The following GRIK2 variants were observed in gnomAD, a reference collection of about 807,000 sequenced individuals.
The protein encoded by GRIK2 is glutamate receptor ionotropic, kainate 2.
Under a neutral mutation model 100.3 loss-of-function variants are expected in GRIK2, and 32 were observed. The observed-to-expected ratio is 0.32, with a 90% confidence interval of 0.24 to 0.43. The LOEUF is 0.43. GRIK2 is among the 20% of genes least tolerant of loss of function. GRIK2 has a pLI of 1.00. For synonymous variants in GRIK2, 417 were observed against 389.4 expected (o/e 1.07, Z -0.83); for missense variants, 843 against 1,114.9 (o/e 0.76, Z 3.47).
chr6:101,713,932 T>G (rs76627844), intron 7 of GRIK2, among the ~76,000 whole-genome samples: 2,910 of 151,844 alleles, frequency 0.019, 70 homozygotes, highest in African/African-American at 0.058. Flanking sequence ...AATTAAGAAT[T>G]GCTTTCTTTC....
chr6:102,068,561 A>G lies in GRIK2; in HGVS notation c.*50A>G. ...ACAAACTGTCGTCTTTTTCCAAACA[A>G]TTTAGCCAGAATGTTTCCTGTGGAA... On this transcript the variant is annotated 3_prime_UTR_variant, in exon 17 of 17. Coordinates refer to ENST00000369134, the MANE Select transcript of GRIK2 (RefSeq NM_021956.5). 1 of 1,526,770 alleles carries G rather than the reference A, an allele frequency of 6.5e-7. No individual in the cohort carries two copies. Among genetic ancestry groups the G allele is most frequent in the Non-Finnish European group, 9.0e-7 (1 of 1,110,916 alleles). The allele number at this position is 1,526,770 out of a possible 1,614,324, so 94.6% of individuals were successfully genotyped here. A position where few individuals can be genotyped will look rare whatever the true frequency, so the allele number is the denominator to read the frequency against.
At chr6:101,787,959 T>G (rs1489685325) in intron 7 of GRIK2, among the ~76,000 whole-genome samples, 1 of 152,146 alleles carries the variant, frequency 6.6e-6, no homozygotes, top group Non-Finnish European at 1.5e-5. Context: ...AAAATTTGTT[T>G]TATATATTTA....
chr6:101,814,804 T>C (rs1257132057), intron 9 of GRIK2, among the ~76,000 whole-genome samples: 1 of 152,178 alleles, frequency 6.6e-6, no homozygotes, highest in Non-Finnish European at 1.5e-5. Context: ...TATGATCATT[T>C]TGTGTAGTCA....
intron 2 of GRIK2, 65 bp downstream of exon 2, chr6:101,399,457 G>GGTTC (rs972316486): frequency 1.2e-6 from 1 of 819,426 alleles, no homozygotes; most frequent in African/African-American, 1.7e-5. Flanking sequence ...GTAAACAGGC[G>GGTTC]GTTCGCTCTG....
At chr6:101,714,830 T>C (rs1006434891) in intron 7 of GRIK2, among the ~76,000 whole-genome samples, 6 of 151,678 alleles carry the variant, frequency 4.0e-5, no homozygotes, top group Non-Finnish European at 8.9e-5. Context: ...GAGGAATTAA[T>C]TTTTTTAAAG....
At chr6:102,007,535 C>A (rs1321026170) in intron 14 of GRIK2, among the ~76,000 whole-genome samples, 1 of 151,996 alleles carries the variant, frequency 6.6e-6, no homozygotes, top group African/African-American at 2.4e-5. Context: ...ATGGAGGTGG[C>A]AATACTACAT....
intron 14 of GRIK2, among the ~76,000 whole-genome samples, chr6:102,009,111 T>C (rs771095711): frequency 6.6e-5 from 10 of 152,092 alleles, no homozygotes; most frequent in Non-Finnish European, 1.5e-4. Context: ...TTTTTTATTA[T>C]GGTTACTAGA....
intron 4 of GRIK2, among the ~76,000 whole-genome samples, chr6:101,658,055 AATTT>A (rs1366024015): frequency 6.6e-6 from 1 of 152,076 alleles, no homozygotes; most frequent in Admixed American, 6.6e-5. Context: ...AAAATTTATT[AATTT>A]ATTTATTTTA....
chr6:101,616,353 A>C (rs1480608467), intron 2 of GRIK2, among the ~76,000 whole-genome samples: 1 of 151,818 alleles, frequency 6.6e-6, no homozygotes, highest in Non-Finnish European at 1.5e-5. Flanking sequence ...TTATACAAAT[A>C]AATAAAAAAT....
chr6:101,959,988 T>G lies in GRIK2; in HGVS notation c.2085+31356T>G, dbSNP rs1483481017. Among the ~76,000 whole-genome samples the G allele has an allele frequency of 2.6e-5, 4 of 151,714 alleles. No homozygotes were observed. The East Asian group carries it at 5.8e-4, about 22-fold the overall frequency. On this transcript the variant is annotated intron_variant, in intron 14 of 16. Coordinates refer to ENST00000369134, the MANE Select transcript of GRIK2 (RefSeq NM_021956.5). Reference sequence around the variant, plus strand: ...TTTCTTCTTCTCCCTCAGGAATGCCTATAATTCATAGGTTTGGTTACTTTA... The same window carrying G: ...TTTCTTCTTCTCCCTCAGGAATGCCGATAATTCATAGGTTTGGTTACTTTA...
intron 7 of GRIK2, among the ~76,000 whole-genome samples, chr6:101,720,092 T>C (rs115959766): frequency 1.4e-5 from 2 of 142,324 alleles, no homozygotes; most frequent in Non-Finnish European, 3.0e-5. Flanking sequence ...GATGATTTCG[T>C]TTTTTTTTCT....
At chr6:101,519,300 CGTGTGTGTGTGTGTGTGTGT>C (rs55646921) in intron 2 of GRIK2, among the ~76,000 whole-genome samples, 1 of 140,982 alleles carries the variant, frequency 7.1e-6, no homozygotes, top group African/African-American at 2.6e-5. Flanking sequence ...CGGAGTTAAA[CGTGTGTGTGTGTGTGTGTGT>C]GTGTGTGTGT....
At chr6:101,726,764 C>T (rs775436009) in intron 7 of GRIK2, among the ~76,000 whole-genome samples, 9 of 151,928 alleles carry the variant, frequency 5.9e-5, no homozygotes, top group South Asian at 4.1e-4. Context: ...CTTTTATACA[C>T]GCTAAAAACT....
intron 4 of GRIK2, among the ~76,000 whole-genome samples, chr6:101,648,233 T>A (rs2128327293): frequency 6.6e-6 from 1 of 152,152 alleles, no homozygotes; most frequent in Admixed American, 6.6e-5. Flanking sequence ...CTCAGTACAA[T>A]TGGAAGTGGA....
chr6:101,986,544 AC>A, intron 14 of GRIK2, among the ~76,000 whole-genome samples: 1 of 151,922 alleles, frequency 6.6e-6, no homozygotes, highest in Non-Finnish European at 1.5e-5. Flanking sequence ...TTTAAATGAT[AC>A]CATAATGAAA....
intron 7 of GRIK2, chr6:101,745,127 A>G (rs1228584822): frequency 6.6e-6 from 1 of 152,230 alleles, no homozygotes; most frequent in Non-Finnish European, 1.5e-5. Flanking sequence ...TTAATAAACA[A>G]CATGATCTTA....
intron 2 of GRIK2, among the ~76,000 whole-genome samples, chr6:101,525,531 A>G (rs1334656984): frequency 6.6e-6 from 1 of 152,216 alleles, no homozygotes; most frequent in Non-Finnish European, 1.5e-5. Context: ...CCAGTGCAAC[A>G]TATAGGATCT....
intron 2 of GRIK2, among the ~76,000 whole-genome samples, chr6:101,580,853 C>A (rs1778046685): frequency 6.6e-6 from 1 of 152,066 alleles, no homozygotes; most frequent in Admixed American, 6.6e-5. Context: ...CTCAATTCCC[C>A]TCATCTATGC....
chr6:101,824,350 A>G (rs1187523327), intron 10 of GRIK2, among the ~76,000 whole-genome samples: 1 of 152,058 alleles, frequency 6.6e-6, no homozygotes, highest in Non-Finnish European at 1.5e-5. Flanking sequence ...GCATCTTCAT[A>G]GCTTAGCTCC....
Sources: allele counts gnomAD v4.1 joint callset (sites outside exome capture counted in the v4.1 genomes callset), GRCh38; gene constraint gnomAD v4.1.1; transcripts MANE v1.5; gene names NCBI Gene and HGNC (gene_info 2026-07-23, HGNC 2026-07-21).